The following ICAM2 variants were observed in gnomAD, a reference collection of about 807,000 sequenced individuals.
The protein encoded by ICAM2 is ICAM-2.
In ICAM2, 14 loss-of-function variants were observed where a neutral mutation model predicts 19.1. That is an observed-to-expected ratio of 0.73 (90% confidence interval 0.48 to 1.15). The LOEUF (loss-of-function observed/expected upper bound fraction) is 1.15, where lower values mean the gene tolerates loss of function less well. ICAM2 is among the 50% of genes most tolerant of loss of function. The probability of loss-of-function intolerance (pLI) is 0.00; values close to 1 mark genes in which losing one functional copy is unlikely to be tolerated. For missense variants in ICAM2, 311 were observed against 355.4 expected, an observed-to-expected ratio of 0.88 and a Z score of 1.00; for synonymous variants, 153 against 152.7, an observed-to-expected ratio of 1.00 and a Z score of -0.01.
At chr17:64,009,077 C>T (rs537740901) in intron 1 of ICAM2, among the ~76,000 whole-genome samples, 2 of 152,210 alleles carry the variant, frequency 1.3e-5, no homozygotes, top group Middle Eastern at 3.2e-3. Context: ...ACACATCAAC[C>T]TTCCTGCCTC....
intron 1 of ICAM2, chr17:64,007,021 G>A (rs114212279): frequency 5.7e-4 from 169 of 294,464 alleles, no homozygotes; most frequent in African/African-American, 3.4e-3. Flanking sequence ...GGAGAGTCAG[G>A]CCTACAAGCC....
intron 1 of ICAM2, among the ~76,000 whole-genome samples, chr17:64,012,093 A>G (rs1299253351): frequency 6.6e-6 from 1 of 152,258 alleles, no homozygotes; most frequent in Admixed American, 6.5e-5. Flanking sequence ...CCTTAAAAAG[A>G]AGGAAATCCT....
At chr17:64,015,536 T>G (rs995998740) in intron 1 of ICAM2, among the ~76,000 whole-genome samples, 1 of 152,046 alleles carries the variant, frequency 6.6e-6, no homozygotes. Flanking sequence ...GCCCAAGAGT[T>G]TGAGACCAGC....
intron 3 of ICAM2, 156 bp downstream of exon 3, chr17:64,004,951 C>T (rs936950492): frequency 8.6e-6 from 7 of 812,030 alleles, no homozygotes; most frequent in Non-Finnish European, 1.4e-5. Flanking sequence ...CAACCAAGGG[C>T]TGGCCTGGTC....
chr17:64,018,071 C>T lies in ICAM2; in HGVS notation c.-45+2452G>A, dbSNP rs146188759. ...AAGATACAAAGAAACAGGTCGGGTGCGGCTGTGACGCCAGCACTTTGGGAG... is the reference window on the plus strand; with the variant it reads ...AAGATACAAAGAAACAGGTCGGGTGTGGCTGTGACGCCAGCACTTTGGGAG... On this transcript the variant is annotated intron_variant, in intron 1 of 4. Transcript: ENST00000579788. 4.4e-3 allele frequency among the ~76,000 whole-genome samples: 668 copies of T among 152,094 alleles called. 5 individuals are homozygous for T. The highest frequency in any genetic ancestry group is 0.016 in the African/African-American group (651 of 41,460).
rs778683888 is a variant in ICAM2, at chr17:64,005,113, C to T, written c.322G>A (p.Val108Met). 9 of 1,613,998 alleles carry T rather than the reference C, an allele frequency of 5.6e-6. No individual in the cohort carries two copies. Among genetic ancestry groups the T allele is most frequent in the South Asian group, 3.3e-5 (3 of 91,084 alleles). The change falls in exon 3 of 5, where the codon GTG becomes ATG. Residue 108 changes from valine (V) to methionine (M), a missense_variant. By Grantham distance (21) the Val-to-Met change is conservative (BLOSUM62 1). Transcript: ENST00000579788. ...KQESMNSNVS[V>M]YQPPRQVILT... ...CCGCAGCACAGCCACTCACGGTACA[C>T]GCTGACGTTGGAATTCATTGACTCC...
intron 1 of ICAM2, among the ~76,000 whole-genome samples, chr17:64,015,022 A>G (rs1294072299): frequency 6.6e-6 from 1 of 152,200 alleles, no homozygotes; most frequent in Non-Finnish European, 1.5e-5. Flanking sequence ...CGTAAACATG[A>G]TTAGGAATGT....
chr17:64,012,857 C>T (rs778351511), intron 1 of ICAM2, among the ~76,000 whole-genome samples: 2 of 152,066 alleles, frequency 1.3e-5, no homozygotes, highest in Non-Finnish European at 2.9e-5. Context: ...TGAAACCAAT[C>T]CCTCCATGTA....
chr17:64,007,431 T>G (rs1226782798), intron 1 of ICAM2, among the ~76,000 whole-genome samples: 2 of 151,948 alleles, frequency 1.3e-5, no homozygotes, highest in Non-Finnish European at 1.5e-5. Flanking sequence ...CCCAGCTAAT[T>G]TTGTATTTTT....
chr17:64,004,533 A>T (rs903857506), intron 3 of ICAM2: 1 of 169,894 alleles, frequency 5.9e-6, no homozygotes, highest in Non-Finnish European at 1.3e-5. Flanking sequence ...CACCCCGAGA[A>T]AATATGTTGG....
intron 1 of ICAM2, among the ~76,000 whole-genome samples, chr17:64,010,530 T>C (rs1194852585): frequency 2.6e-5 from 2 of 78,276 alleles, no homozygotes; most frequent in Admixed American, 3.7e-4. Context: ...CTTTCCTCTC[T>C]TGTTTGAAAG....
rs141394372 is a variant in ICAM2, at chr17:64,002,888, C to T, written c.687G>A (p.Thr229=). 2.3e-3 allele frequency: 3,659 copies of T among 1,613,964 alleles called. 4 individuals are homozygous for T. The highest frequency in any genetic ancestry group is 2.7e-3 in the Non-Finnish European group (3,244 of 1,179,958). ...ACAGGGACAGCAACACCGACACCAC[C>T]GTGACTATGATGACCATCTGGCTGT... ...VSDSQMVIIV[T]VVSVLLSLFV... Residue 229 remains threonine, a synonymous_variant, in exon 5 of 5, where the codon ACG becomes ACA. Transcript: ENST00000579788.
At position 64,006,734 on chromosome 17, in the gene ICAM2, G is replaced by A. The variant is rs1272494264; in HGVS notation, c.-43C>T. 6.3e-7 allele frequency: 1 copy of A among 1,589,474 alleles called. No individual in the cohort carries two copies. On this transcript the variant is annotated splice_region_variant and 5_prime_UTR_variant, in exon 2 of 5. Transcript: ENST00000579788. ...GGCTCGCAGGGACCAGCCAAGGGCT[G>A]CCTGGAGGGAGATGGTGGGCGCAGG...
At chr17:64,012,275 C>T (rs1911485373) in intron 1 of ICAM2, among the ~76,000 whole-genome samples, 1 of 152,064 alleles carries the variant, frequency 6.6e-6, no homozygotes, top group South Asian at 2.1e-4. Context: ...CCAGCCTGGA[C>T]AACATAGTGA....
intron 1 of ICAM2, among the ~76,000 whole-genome samples, chr17:64,015,666 G>C (rs535069278): frequency 7.9e-5 from 12 of 152,078 alleles, no homozygotes; most frequent in Non-Finnish European, 1.3e-4. Context: ...CTTGAGCCTG[G>C]GAGGTTGAGG....
rs544868471 is a variant in ICAM2, at chr17:64,017,294, G to T, written c.-45+3229C>A. On this transcript the variant is annotated intron_variant, in intron 1 of 4. Coordinates refer to ENST00000579788, the MANE Select transcript of ICAM2 (RefSeq NM_001099789.2). ...GCTAAAAGATCAATATTCAAAAATTGGTTGTTCTTGTGTGTATCAGTAACA... is the reference window on the plus strand; with the variant it reads ...GCTAAAAGATCAATATTCAAAAATTTGTTGTTCTTGTGTGTATCAGTAACA... 3.3e-5 allele frequency among the ~76,000 whole-genome samples: 5 copies of T among 152,204 alleles called. No individual in the cohort carries two copies. The South Asian group carries it at 1.0e-3, about 32-fold the overall frequency.
At chr17:64,014,133 A>G (rs917874534) in intron 1 of ICAM2, among the ~76,000 whole-genome samples, 1 of 151,978 alleles carries the variant, frequency 6.6e-6, no homozygotes. Context: ...GCGAGGCGCA[A>G]AAGTTGTGCT....
intron 4 of ICAM2, 63 bp from the exon 5 acceptor site, chr17:64,002,988 G>A: frequency 6.6e-7 from 1 of 1,511,566 alleles, no homozygotes; most frequent in South Asian, 1.2e-5. Context: ...GGACCAAAAG[G>A]GAGTGGAAGT....
chr17:64,011,222 G>T (rs1458389060), intron 1 of ICAM2, among the ~76,000 whole-genome samples: 2 of 152,210 alleles, frequency 1.3e-5, no homozygotes, highest in Non-Finnish European at 2.9e-5. Flanking sequence ...CAGCACTTTG[G>T]AAGGCCGAGG....
Sources: gnomAD v4.1 joint callset for allele counts (sites outside exome capture counted in the v4.1 genomes callset) on GRCh38, gnomAD v4.1.1 for gene constraint, MANE v1.5 for transcripts, NCBI Gene and HGNC (gene_info 2026-07-23, HGNC 2026-07-21) for gene names.